Variants in LHFPL3 observed in about 807,000 individuals in gnomAD.
The protein encoded by LHFPL3 is LHFPL tetraspan subfamily member 3.
A neutral mutation model predicts 19.3 loss-of-function variants in LHFPL3; 5 were observed. The observed-to-expected ratio is 0.26, with a 90% CI of 0.14 to 0.54. The LOEUF is 0.54. Among genes scored for constraint, LHFPL3 ranks in the 20% least tolerant of loss-of-function variants. LHFPL3 has a pLI of 0.94. For synonymous variants in LHFPL3, 133 were observed against 126.2 expected, an observed-to-expected ratio of 1.05 and a Z score of -0.36; for missense variants, 249 against 307.4, an observed-to-expected ratio of 0.81 and a Z score of 1.42.
intron 1 of LHFPL3, among the ~76,000 whole-genome samples, chr7:104,690,115 T>A (rs1792881022): frequency 6.6e-6 from 1 of 152,372 alleles, no homozygotes; most frequent in Non-Finnish European, 1.5e-5. Context: ...TCCCAACACA[T>A]CCCCATTCAA....
intron 1 of LHFPL3, among the ~76,000 whole-genome samples, chr7:104,491,588 G>C (rs1351058542): frequency 6.6e-6 from 1 of 152,086 alleles, no homozygotes; most frequent in African/African-American, 2.4e-5. Flanking sequence ...CTGCAGGGGA[G>C]TTAATCAGAT....
At chr7:104,406,211 A>G (rs1791409884) in intron 1 of LHFPL3, among the ~76,000 whole-genome samples, 1 of 152,198 alleles carries the variant, frequency 6.6e-6, no homozygotes, top group African/African-American at 2.4e-5. Flanking sequence ...AATGAGGTGT[A>G]ATTGTGCTCC....
chr7:104,691,025 A>T (rs1336000543), intron 1 of LHFPL3, among the ~76,000 whole-genome samples: 1 of 152,212 alleles, frequency 6.6e-6, no homozygotes, highest in Non-Finnish European at 1.5e-5. Context: ...AGGTTCTACC[A>T]TCTTCTGCAG....
At chr7:104,791,241 T>G (rs1214363751) in intron 2 of LHFPL3, among the ~76,000 whole-genome samples, 3 of 152,172 alleles carry the variant, frequency 2.0e-5, no homozygotes, top group African/African-American at 7.2e-5. Flanking sequence ...TTCTGATTGC[T>G]CATAAAACAA....
chr7:104,546,612 T>C (rs929593868), intron 1 of LHFPL3, among the ~76,000 whole-genome samples: 14 of 152,244 alleles, frequency 9.2e-5, no homozygotes, highest in Admixed American at 2.6e-4. Context: ...ATTGTTACTA[T>C]TGCTAATGTT....
At chr7:104,648,987 T>G (rs1397109670) in intron 1 of LHFPL3, among the ~76,000 whole-genome samples, 1 of 152,224 alleles carries the variant, frequency 6.6e-6, no homozygotes, top group Non-Finnish European at 1.5e-5. Context: ...TCTAGGTCCT[T>G]TATGTTCTTC....
chr7:104,860,857 CAT>C (rs1402454476), intron 2 of LHFPL3, among the ~76,000 whole-genome samples: 6 of 152,130 alleles, frequency 3.9e-5, no homozygotes, highest in Non-Finnish European at 8.8e-5. Context: ...GACAGGGACA[CAT>C]AGAGTGTGCT....
At chr7:104,528,707 T>C (rs1794236508) in intron 1 of LHFPL3, among the ~76,000 whole-genome samples, 1 of 152,208 alleles carries the variant, frequency 6.6e-6, no homozygotes, top group Non-Finnish European at 1.5e-5. Context: ...CCAAGCTTTT[T>C]TCAAGACTAT....
At chr7:104,572,540 C>G (rs945717953) in intron 1 of LHFPL3, among the ~76,000 whole-genome samples, 1 of 152,000 alleles carries the variant, frequency 6.6e-6, no homozygotes, top group Non-Finnish European at 1.5e-5. Flanking sequence ...TAATAATAGT[C>G]AACAATTTTT....
intron 2 of LHFPL3, among the ~76,000 whole-genome samples, chr7:104,741,156 C>T (rs1682031701): frequency 6.6e-6 from 1 of 152,184 alleles, no homozygotes; most frequent in African/African-American, 2.4e-5. Context: ...CCTTGACACA[C>T]TTCAGTCAAC....
At chr7:104,396,663 A>G (rs1791193769) in intron 1 of LHFPL3, among the ~76,000 whole-genome samples, 2 of 151,840 alleles carry the variant, frequency 1.3e-5, no homozygotes, top group African/African-American at 4.8e-5. Context: ...AAAAAGATAA[A>G]AAGTGTGCAG....
chr7:104,366,722 G>A (rs1048514120), intron 1 of LHFPL3, among the ~76,000 whole-genome samples: 2 of 152,156 alleles, frequency 1.3e-5, no homozygotes, highest in African/African-American at 2.4e-5. Flanking sequence ...CTGCTTGCCA[G>A]TATGAATGCA....
chr7:104,376,091 C>T (rs565230723), intron 1 of LHFPL3, among the ~76,000 whole-genome samples: 10 of 152,286 alleles, frequency 6.6e-5, no homozygotes, highest in African/African-American at 2.4e-4. Flanking sequence ...ATGTAGGATT[C>T]ATGCCTTTAA....
chr7:104,844,461 G>A (rs1791274658), intron 2 of LHFPL3, among the ~76,000 whole-genome samples: 1 of 152,222 alleles, frequency 6.6e-6, no homozygotes, highest in Non-Finnish European at 1.5e-5. Flanking sequence ...AATCCAGAAT[G>A]TGAAATGATG....
chr7:104,614,310 A>G (rs1203519692), intron 1 of LHFPL3, among the ~76,000 whole-genome samples: 1 of 152,106 alleles, frequency 6.6e-6, no homozygotes. Flanking sequence ...TTGACTGTAA[A>G]TTTACAAGTG....
chr7:104,690,563 G>C (rs79296779), intron 1 of LHFPL3, among the ~76,000 whole-genome samples: 1 of 152,220 alleles, frequency 6.6e-6, no homozygotes, highest in African/African-American at 2.4e-5. Flanking sequence ...ACATATTTGC[G>C]TGCCAGGGGA....
intron 1 of LHFPL3, among the ~76,000 whole-genome samples, chr7:104,417,236 A>G (rs1584305201): frequency 1.3e-5 from 2 of 152,246 alleles, no homozygotes; most frequent in Admixed American, 1.3e-4. Flanking sequence ...TTCAATGAGC[A>G]TGTCTCATGT....
In LHFPL3 at chr7:104,666,512, C is replaced by CTTTTTTTTTTTTTTTTTTTTTTTTTTTT. The variant is rs71155514; in HGVS notation, c.446-70136_446-70135insTTTTTTTTTTTTTTTTTTTTTTTTTTTT. Among the ~76,000 whole-genome samples the CTTTTTTTTTTTTTTTTTTTTTTTTTTTT allele has an allele frequency of 3.6e-4, 15 of 42,236 alleles. 5 individuals carry two copies. The highest frequency in any genetic ancestry group is 5.0e-4 in the Non-Finnish European group (11 of 22,202). 27.7% of individuals were successfully genotyped at this position (42,236 alleles called of 152,430 possible). On this transcript the variant is annotated intron_variant, in intron 1 of 2. Transcript: ENST00000424859. ...TTGCTGAAAATGACAGGATTTCATT[C>CTTTTTTTTTTTTTTTTTTTTTTTTTTTT]TTTTTTTTTTTTTTTTTTTTTTTTT...
chr7:104,763,275 C>G (rs1258400089), intron 2 of LHFPL3, among the ~76,000 whole-genome samples: 1 of 152,166 alleles, frequency 6.6e-6, no homozygotes, highest in Non-Finnish European at 1.5e-5. Flanking sequence ...TTGTGTTGGT[C>G]TCTGAGGTGG....
Sources: gnomAD v4.1 joint callset for allele counts (sites outside exome capture counted in the v4.1 genomes callset) on GRCh38, gnomAD v4.1.1 for gene constraint, MANE v1.5 for transcripts, NCBI Gene and HGNC (gene_info 2026-07-23, HGNC 2026-07-21) for gene names.